The following SMIM8 variants were observed in gnomAD, a reference collection of about 807,000 sequenced individuals.
SMIM8 encodes the protein small integral membrane protein 8.
Under a neutral mutation model 8.1 loss-of-function variants are expected in SMIM8, and 8 were observed. That is an observed-to-expected ratio of 0.99 (90% CI 0.58 to 1.78). SMIM8 has a LOEUF of 1.78. Ranked by LOEUF, SMIM8 falls within the 40% of genes most tolerant of loss-of-function variation. SMIM8 has a pLI of 0.00. For synonymous variants in SMIM8, 45 were observed against 39.7 expected (o/e 1.13, Z -0.50); for missense variants, 126 against 119.8 (o/e 1.05, Z -0.24).
In SMIM8 at chr6:87,337,072, C is replaced by T; in HGVS notation, c.41C>T (p.Pro14Leu). ...GAGCCTCCAACATTCAAAAAGGAAC[C>T]ACCCAAAGAGAAAGAGTTTCAAAGC... Reference protein sequence around the residue: ...APEPPTFKKEPPKEKEFQSPG... With the variant: ...APEPPTFKKELPKEKEFQSPG... Residue 14 changes from proline to leucine, a missense_variant, in exon 3 of 4, where the codon CCA (proline) becomes CTA (leucine). By Grantham distance (98) the Pro-to-Leu change is moderately conservative. Transcript: ENST00000392863. 1.9e-6 allele frequency: 3 copies of T among 1,612,554 alleles called. No individual in the cohort carries two copies. The highest frequency in any genetic ancestry group is 2.5e-6 in the Non-Finnish European group (3 of 1,179,192).
rs1222055347 is a variant in SMIM8 at position 87,323,424 on chromosome 6, C to T, written c.-45+792C>T. On this transcript the variant is annotated intron_variant, in intron 1 of 3. Coordinates refer to ENST00000392863, the MANE Select transcript of SMIM8 (RefSeq NM_001042493.3). ...TATCTCCCAATGCTATCCCTCCCCC[C>T]TCCCCCCACCCCACAACAGACCTCA... is the stretch of plus-strand genomic sequence containing the variant. Among the ~76,000 whole-genome samples, 3 of 109,282 alleles carry T rather than the reference C, an allele frequency of 2.7e-5. No homozygotes were observed. In the East Asian group the frequency reaches 1.0e-3, roughly 38 times the overall value. The allele number at this position is 109,282 out of a possible 152,430, so 71.7% of individuals were successfully genotyped here. A position where few individuals can be genotyped will look rare whatever the true frequency, so the allele number is the denominator to read the frequency against.
intron 2 of SMIM8, among the ~76,000 whole-genome samples, chr6:87,333,315 A>G (rs1485661425): frequency 1.3e-5 from 2 of 152,184 alleles, no homozygotes; most frequent in Admixed American, 6.5e-5. Context: ...ATCCACCCCC[A>G]TGACCCAAAC....
chr6:87,330,696 A>G lies in SMIM8; in HGVS notation c.-40A>G, dbSNP rs1369049770. The G allele has an allele frequency of 6.6e-6, 1 of 152,150 alleles. No homozygotes were observed. Among genetic ancestry groups the G allele is most frequent in the African/African-American group, 2.4e-5 (1 of 41,432 alleles). 9.4% of individuals were successfully genotyped at this position (152,150 alleles called of 1,614,324 possible). On this transcript the variant is annotated 5_prime_UTR_variant, in exon 2 of 4. The change abolishes an upstream ATG in the 5' untranslated region. Coordinates refer to ENST00000392863, the MANE Select transcript of SMIM8 (RefSeq NM_001042493.3). ...CATTGCACGCTTCCGTCACAGGAGG[A>G]TGGACAGAAGAAAAAGGTAAAGAAC... is the stretch of plus-strand genomic sequence containing the variant.
chr6:87,336,584 A>C (rs1167732048), intron 2 of SMIM8, among the ~76,000 whole-genome samples: 3 of 152,122 alleles, frequency 2.0e-5, no homozygotes, highest in Non-Finnish European at 4.4e-5. Flanking sequence ...GAGCAAAGGA[A>C]TGCTGGTCAT....
intron 2 of SMIM8, among the ~76,000 whole-genome samples, chr6:87,336,057 C>T (rs973844739): frequency 6.6e-6 from 1 of 151,978 alleles, no homozygotes; most frequent in African/African-American, 2.4e-5. Context: ...AAACAAAGCC[C>T]CAATGTGTGT....
chr6:87,337,237 G>C, intron 3 of SMIM8, 71 bp downstream of exon 3: 1 of 1,458,598 alleles, frequency 6.9e-7, no homozygotes, highest in South Asian at 1.6e-5. Flanking sequence ...TAATTTTCTT[G>C]TATTTGATTT....
At chr6:87,340,079 T>C in intron 3 of SMIM8, 37 bp from the exon 4 acceptor site, 1 of 1,467,606 alleles carries the variant, frequency 6.8e-7, no homozygotes. Flanking sequence ...AAATTGTTAG[T>C]CTTACTAAAG....
chr6:87,329,972 C>T (rs932809844), intron 1 of SMIM8, among the ~76,000 whole-genome samples: 1 of 152,066 alleles, frequency 6.6e-6, no homozygotes, highest in Non-Finnish European at 1.5e-5. Flanking sequence ...TAGTATTGCT[C>T]CTTTTATAAA....
At position 87,337,158 on chromosome 6, in the gene SMIM8, A is replaced by G. The variant is rs773302738; in HGVS notation, c.127A>G (p.Ile43Val). The G allele has an allele frequency of 3.1e-6, 5 of 1,609,612 alleles. No individual in the cohort carries two copies. Among genetic ancestry groups the G allele is most frequent in the Non-Finnish European group, 4.2e-6 (5 of 1,177,694 alleles). ...TCGTGCTGTGAATCCAGAGCTCTTC[A>G]TTAAACCTGTAAGAAATACATCCAG... Reference protein sequence around the residue: ...LFRAVNPELFIKPNKPVMAFG... With the variant: ...LFRAVNPELFVKPNKPVMAFG... Residue 43 changes from isoleucine (I) to valine (V), a missense_variant, in exon 3 of 4, where the codon ATT (isoleucine) becomes GTT (valine). Physicochemically the swap from Ile to Val is conservative, Grantham distance 29. Coordinates refer to ENST00000392863, the MANE Select transcript of SMIM8 (RefSeq NM_001042493.3).
In SMIM8 at chr6:87,327,413, T is replaced by C. The variant is rs562120754; in HGVS notation, c.-44-3279T>C. The stretch of plus-strand genomic sequence containing the variant: ...GGTACAGGTTGTTCCTTTCCATGTT[T>C]AGTGCTTCCTTCAGGAGCTCTTTTA... On this transcript the variant is annotated intron_variant, in intron 1 of 3. Coordinates refer to ENST00000392863, the MANE Select transcript of SMIM8 (RefSeq NM_001042493.3). Among the ~76,000 whole-genome samples, 11 of 152,362 alleles carry C rather than the reference T, an allele frequency of 7.2e-5. No homozygotes were observed. In the South Asian group the frequency reaches 2.1e-3, roughly 29 times the overall value.
chr6:87,326,469 T>C (rs528998337), intron 1 of SMIM8, among the ~76,000 whole-genome samples: 7 of 152,324 alleles, frequency 4.6e-5, no homozygotes, highest in Admixed American at 3.3e-4. Context: ...ATTTTGTGTC[T>C]TTGTTCTCGT....
In SMIM8 at chr6:87,342,196, A is replaced by G. The variant is rs392807; in HGVS notation, c.*1922A>G. On this transcript the variant is annotated 3_prime_UTR_variant, in exon 4 of 4. Coordinates refer to ENST00000392863, the MANE Select transcript of SMIM8 (RefSeq NM_001042493.3). ...TGACTATGATACTTTTTACAGAGTGACTACAAGTTGTAGGACAGTCTTTGT... is the reference window on the plus strand; with the variant it reads ...TGACTATGATACTTTTTACAGAGTGGCTACAAGTTGTAGGACAGTCTTTGT... 90,215 of 152,100 alleles carry G rather than the reference A, an allele frequency of 0.59. 27,113 individuals are homozygous for G. Among genetic ancestry groups the G allele is most frequent in the African/African-American group, 0.64 (26,732 of 41,474 alleles). The allele number at this position is 152,100 out of a possible 1,614,324, so 9.4% of individuals were successfully genotyped here. A position where few individuals can be genotyped will look rare whatever the true frequency, so the allele number is the denominator to read the frequency against.
At chr6:87,325,394 G>A (rs201745736) in intron 1 of SMIM8, among the ~76,000 whole-genome samples, 15,391 of 144,498 alleles carry the variant, frequency 0.11, 810 homozygotes, top group East Asian at 0.12. Context: ...TATGATATTG[G>A]CTGTGGGTTT....
chr6:87,337,225 T>G, intron 3 of SMIM8, 59 bp downstream of exon 3: 1 of 1,483,458 alleles, frequency 6.7e-7, no homozygotes, highest in South Asian at 1.5e-5. Context: ...GTCAGAAAGT[T>G]CTAATTTTCT....
At chr6:87,335,971 T>C (rs187479965) in intron 2 of SMIM8, among the ~76,000 whole-genome samples, 147 of 151,874 alleles carry the variant, frequency 9.7e-4, no homozygotes, top group African/African-American at 3.5e-3. Context: ...CAGTGAGCTA[T>C]GATCACGCCA....
rs1037783700 is a variant in SMIM8, at chr6:87,340,349, G to A, written c.*75G>A. On this transcript the variant is annotated 3_prime_UTR_variant, in exon 4 of 4. Transcript: ENST00000392863. ...AAATGAAAGACCTTGTGAGTGTACA[G>A]TATCATGTTTCTTGTTCTAGAACAT... is the stretch of plus-strand genomic sequence containing the variant. 2 of 1,342,662 alleles carry A rather than the reference G, an allele frequency of 1.5e-6. No homozygotes were observed. Among genetic ancestry groups the A allele is most frequent in the Non-Finnish European group, 1.9e-6 (2 of 1,028,780 alleles). 83.2% of individuals were successfully genotyped at this position (1,342,662 alleles called of 1,614,324 possible). A position where few individuals can be genotyped will look rare whatever the true frequency, so the allele number is the denominator to read the frequency against.
chr6:87,327,292 GA>G (rs1314281251), intron 1 of SMIM8, among the ~76,000 whole-genome samples: 13 of 150,440 alleles, frequency 8.6e-5, no homozygotes, highest in African/African-American at 3.2e-4. Flanking sequence ...TGTTATGTGT[GA>G]ATTTGATCCT....
chr6:87,339,435 TTTGTG>T (rs781435989), intron 3 of SMIM8, among the ~76,000 whole-genome samples: 3,319 of 88,984 alleles, frequency 0.037, 167 homozygotes, highest in African/African-American at 0.15. Flanking sequence ...TGTGTGTGTG[TTTGTG>T]TGTGTGTGTG....
intron 1 of SMIM8, among the ~76,000 whole-genome samples, chr6:87,326,838 C>T (rs573495540): frequency 4.2e-4 from 51 of 120,806 alleles, no homozygotes; most frequent in African/African-American, 1.6e-3. Flanking sequence ...CTTTCTGTCT[C>T]GTTGATCTGT....
Sources: gnomAD v4.1 joint callset for allele counts (sites outside exome capture counted in the v4.1 genomes callset) on GRCh38, gnomAD v4.1.1 for gene constraint, MANE v1.5 for transcripts, NCBI Gene and HGNC (gene_info 2026-07-23, HGNC 2026-07-21) for gene names.